Variants in FREM1 observed in about 807,000 individuals in gnomAD.
FREM1 encodes FRAS1 related extracellular matrix 1, also known as FRAS1-related extracellular matrix protein 1.
A neutral mutation model predicts 210.1 loss-of-function variants in FREM1; 220 were observed. The ratio of observed to expected loss-of-function variants is 1.05; its 90% confidence interval spans 0.94 to 1.17. The LOEUF (loss-of-function observed/expected upper bound fraction) is 1.17. FREM1 is among the 50% of genes most tolerant of loss of function. The pLI, the probability that FREM1 is intolerant of heterozygous loss-of-function variation, is 0.00. For synonymous variants in FREM1, 1,189 were observed against 980.2 expected (o/e 1.21, Z -3.98); for missense variants, 3,454 against 2,675.5 (o/e 1.29, Z -6.42).
chr9:14,748,789 C>A, intron 30 of FREM1, 150 bp from the exon 31 acceptor site: 1 of 601,632 alleles, frequency 1.7e-6, no homozygotes, highest in East Asian at 2.6e-5. Flanking sequence ...GCCAGAAACT[C>A]CTTTACTCTT....
At chr9:14,897,503 C>T (rs994003264) in intron 1 of FREM1, among the ~76,000 whole-genome samples, 2 of 151,072 alleles carry the variant, frequency 1.3e-5, no homozygotes, top group African/African-American at 4.9e-5. Flanking sequence ...GAATGTAAAG[C>T]ATAGTATCAT....
intron 10 of FREM1, among the ~76,000 whole-genome samples, chr9:14,831,211 T>A (rs571340145): frequency 6.6e-6 from 1 of 152,334 alleles, no homozygotes; most frequent in South Asian, 2.1e-4. Flanking sequence ...CAGCCCATTC[T>A]GGGTGTTGGC....
chr9:14,800,165 G>A (rs1237472843), intron 20 of FREM1, among the ~76,000 whole-genome samples: 2 of 152,120 alleles, frequency 1.3e-5, no homozygotes, highest in Non-Finnish European at 2.9e-5. Flanking sequence ...ACTAAAAGAA[G>A]TTGGAAAAAT....
chr9:14,806,803 A>C lies in FREM1; in HGVS notation c.3132T>G (p.Thr1044=). Residue 1044 remains threonine (T), a synonymous_variant, in exon 18 of 37, where the codon ACT becomes ACG. Coordinates refer to ENST00000380880, the MANE Select transcript of FREM1 (RefSeq NM_001379081.2). ...GGTCAGTGGCGGACAAATGGTTAAC[A>C]GTAAGGGCTGTTGAGCAGCCCTCAT... ...VVDEGCSTAL[T]VNHLSATDPD... 1.2e-6 allele frequency: 2 copies of C among 1,608,362 alleles called. No homozygotes were observed. The highest frequency in any genetic ancestry group is 1.7e-6 in the Non-Finnish European group (2 of 1,177,286).
intron 7 of FREM1, among the ~76,000 whole-genome samples, chr9:14,848,148 CA>C (rs1827029381): frequency 6.6e-6 from 1 of 152,126 alleles, no homozygotes; most frequent in South Asian, 2.1e-4. Flanking sequence ...ATTTACATTC[CA>C]CATTTACATC....
chr9:14,860,780 T>TACATATATACATATATAC (rs1296092637), intron 3 of FREM1, among the ~76,000 whole-genome samples: 6 of 85,792 alleles, frequency 7.0e-5, no homozygotes, highest in South Asian at 3.3e-4. Flanking sequence ...TACACATATA[T>TACATATATACATATATAC]ACATATATAC....
At chr9:14,871,823 C>T (rs980159543) in intron 1 of FREM1, among the ~76,000 whole-genome samples, 5 of 152,124 alleles carry the variant, frequency 3.3e-5, no homozygotes, top group African/African-American at 1.2e-4. Flanking sequence ...TTTAATCCAT[C>T]TTGAATTAAT....
At chr9:14,905,471 C>T (rs1817531595) in intron 1 of FREM1, among the ~76,000 whole-genome samples, 1 of 152,198 alleles carries the variant, frequency 6.6e-6, no homozygotes, top group African/African-American at 2.4e-5. Context: ...ATCTAAAACA[C>T]CTATATGAGG....
intron 1 of FREM1, among the ~76,000 whole-genome samples, chr9:14,897,109 C>T (rs1588649435): frequency 3.9e-5 from 6 of 152,134 alleles, no homozygotes; most frequent in Admixed American, 3.9e-4. Context: ...TATGAAAAAT[C>T]ATACAATTCT....
chr9:14,873,355 T>G (rs1460641430), intron 1 of FREM1, among the ~76,000 whole-genome samples: 5 of 152,188 alleles, frequency 3.3e-5, no homozygotes, highest in Non-Finnish European at 5.9e-5. Context: ...GAGCCTGTTA[T>G]TGGTCTATTC....
At chr9:14,789,860 A>T (rs1444924044) in intron 22 of FREM1, among the ~76,000 whole-genome samples, 1 of 152,180 alleles carries the variant, frequency 6.6e-6, no homozygotes, top group East Asian at 1.9e-4. Flanking sequence ...GTGTTAGAAA[A>T]TGTAATCATA....
chr9:14,770,799 T>C lies in FREM1; in HGVS notation c.4865A>G (p.Gln1622Arg), dbSNP rs1847422802. The C allele has an allele frequency of 1.2e-6, 2 of 1,610,522 alleles. No homozygotes were observed. The highest frequency in any genetic ancestry group is 1.7e-5 in the Admixed American group (1 of 59,640). The change falls in exon 26 of 37, where the codon CAA becomes CGA. Residue 1622 changes from glutamine (Q) to arginine (R), a missense_variant. By Grantham distance (43) the Gln-to-Arg change is conservative. Coordinates refer to ENST00000380880, the MANE Select transcript of FREM1 (RefSeq NM_001379081.2). ...GATACGAGGAGCTGTTTTGTCCAAT[T>C]GGTCTACCTGGATCATCAACAATGA... ...EPVLFTIQVD[Q>R]LDKTAPRITL...
At chr9:14,770,104 G>C (rs182526806) in intron 26 of FREM1, among the ~76,000 whole-genome samples, 45 of 144,858 alleles carry the variant, frequency 3.1e-4, no homozygotes, top group African/African-American at 9.7e-4. Flanking sequence ...AAAATAAAGA[G>C]AAGGAGAGTA....
intron 1 of FREM1, among the ~76,000 whole-genome samples, chr9:14,881,149 G>A (rs1192911756): frequency 1.3e-5 from 2 of 152,128 alleles, no homozygotes; most frequent in Admixed American, 1.3e-4. Context: ...TTCTCCTGCC[G>A]CCCACTCAGC....
rs945225257 is a variant in FREM1, at chr9:14,806,706, G to C, written c.3229C>G (p.Leu1077Val). 3 of 1,603,104 alleles carry C rather than the reference G, an allele frequency of 1.9e-6. No individual in the cohort carries two copies. Among genetic ancestry groups the C allele is most frequent in the African/African-American group, 2.7e-5 (2 of 74,762 alleles). Reference sequence around the variant, plus strand: ...CTTTTTTCAAAACCCACAGAAGGGAGTATATTTTCGAGGTAGCCAAACTGA... The same window carrying C: ...CTTTTTTCAAAACCCACAGAAGGGACTATATTTTCGAGGTAGCCAAACTGA... ...PPQFGYLENI[L>V]PSVGFEKSNI... The change falls in exon 18 of 37, where the codon CTC (leucine) becomes GTC (valine). Residue 1077 changes from leucine to valine, a missense_variant. Transcript: ENST00000380880.
intron 1 of FREM1, among the ~76,000 whole-genome samples, chr9:14,892,820 C>T (rs1051773046): frequency 7.9e-5 from 12 of 152,178 alleles, no homozygotes; most frequent in Non-Finnish European, 1.5e-5. Flanking sequence ...CCCCACTCTG[C>T]CCCAGGCAAT....
At chr9:14,832,194 C>A (rs1305046452) in intron 10 of FREM1, among the ~76,000 whole-genome samples, 2 of 152,240 alleles carry the variant, frequency 1.3e-5, no homozygotes, top group African/African-American at 4.8e-5. Flanking sequence ...AGGTAACTTT[C>A]AGGGAAGTCA....
chr9:14,806,715 C>T lies in FREM1; in HGVS notation c.3220G>A (p.Glu1074Lys), dbSNP rs746156557. 1.0e-5 allele frequency: 16 copies of T among 1,603,828 alleles called. No homozygotes were observed. The highest frequency in any genetic ancestry group is 2.2e-5 in the East Asian group (1 of 44,768). Reference sequence around the variant, plus strand: ...AAACCCACAGAAGGGAGTATATTTTCGAGGTAGCCAAACTGAGGAGGAGAA... The same window carrying T: ...AAACCCACAGAAGGGAGTATATTTTTGAGGTAGCCAAACTGAGGAGGAGAA... ...LVSPPQFGYLENILPSVGFEK... is the reference protein window; with the variant it reads ...LVSPPQFGYLKNILPSVGFEK... The change falls in exon 18 of 37, where the codon GAA becomes AAA. Residue 1074 changes from glutamate (E) to lysine (K), a missense_variant. Coordinates refer to ENST00000380880, the MANE Select transcript of FREM1 (RefSeq NM_001379081.2).
rs115162237 is a variant in FREM1 at position 14,770,855 on chromosome 9, C to T, written c.4858-49G>A. The T allele has an allele frequency of 1.1e-3, 1,542 of 1,390,974 alleles. 16 individuals carry two copies. In the African/African-American group the frequency reaches 0.02, roughly 18 times the overall value. 86.2% of individuals were successfully genotyped at this position (1,390,974 alleles called of 1,614,324 possible). On this transcript the variant is annotated intron_variant, in intron 25 of 36. Coordinates refer to ENST00000380880, the MANE Select transcript of FREM1 (RefSeq NM_001379081.2). Reference sequence around the variant, plus strand: ...AATGTTGTCCAAAGGCCCCTCACCCCCATGCAACGTTGGGCTTTATTGGTT... The same window carrying T: ...AATGTTGTCCAAAGGCCCCTCACCCTCATGCAACGTTGGGCTTTATTGGTT...
Sources: gnomAD v4.1 joint callset for allele counts (sites outside exome capture counted in the v4.1 genomes callset) on GRCh38, gnomAD v4.1.1 for gene constraint, MANE v1.5 for transcripts, NCBI Gene and HGNC (gene_info 2026-07-23, HGNC 2026-07-21) for gene names.